EVL: variants seen among roughly 807,000 people sequenced by gnomAD.
The protein encoded by EVL is ena/VASP-like protein.
EVL carries 21 observed loss-of-function variants against 59.6 expected under a neutral mutation model. The observed-to-expected ratio is 0.35, with a 90% CI of 0.25 to 0.51. The LOEUF (loss-of-function observed/expected upper bound fraction) is 0.51, where lower values mean the gene tolerates loss of function less well. Among genes scored for constraint, EVL ranks in the 20% least tolerant of loss-of-function variants. EVL has a pLI of 0.97. For synonymous variants in EVL, 198 were observed against 203.5 expected (o/e 0.97, Z 0.23); for missense variants, 462 against 546.6 (o/e 0.85, Z 1.54).
chr14:99,972,116 C>A lies in EVL; in HGVS notation c.5+59C>A. ...AGCGGCCAGCGTCGGAGGGGCTGGG[C>A]TGGGGGCCCGCGGTGCCCCCGAGGG... On this transcript the variant is annotated intron_variant, in intron 1 of 13. Coordinates refer to the EVL transcript ENST00000402714. The surrounding 1 kb of genome is among the most constrained non-coding windows in gnomAD (Gnocchi z 4.4). 1 of 304,774 alleles carries A rather than the reference C, an allele frequency of 3.3e-6. No homozygotes were observed. Among genetic ancestry groups the A allele is most frequent in the African/African-American group, 2.2e-5 (1 of 45,344 alleles). 18.9% of individuals were successfully genotyped at this position (304,774 alleles called of 1,614,324 possible). A position where few individuals can be genotyped will look rare whatever the true frequency, so the allele number is the denominator to read the frequency against.
chr14:100,099,179 C>CAA (rs57154685), intron 3 of EVL, among the ~76,000 whole-genome samples: 714 of 51,168 alleles, frequency 0.014, 8 homozygotes, highest in Non-Finnish European at 0.022. Flanking sequence ...CCTGTCTCTA[C>CAA]AAAAAAAAAA....
intron 1 of EVL, among the ~76,000 whole-genome samples, chr14:100,005,785 G>T (rs532341001): frequency 1.6e-3 from 247 of 151,892 alleles, no homozygotes; most frequent in African/African-American, 5.7e-3. Context: ...TATTGCAGAA[G>T]TACCAAGCAT....
rs1888384350 is a variant in EVL at position 100,130,774 on chromosome 14, G to A, written c.839+1090G>A. On this transcript the variant is annotated intron_variant, in intron 7 of 13. Coordinates refer to ENST00000392920, the MANE Select transcript of EVL (RefSeq NM_016337.3). This position sits in a 1 kb window ranked among gnomAD's most constrained non-coding sequence, Gnocchi z 4.8. ...TTGCTTGCATCACAGATGGCAGGGA[G>A]GGGAGGCTCCCCGTGTGTCAGGGAG... 6.6e-6 allele frequency among the ~76,000 whole-genome samples: 1 copy of A among 152,228 alleles called. No homozygotes were observed. Among genetic ancestry groups the A allele is most frequent in the Admixed American group, 6.5e-5 (1 of 15,286 alleles).
intron 1 of EVL, among the ~76,000 whole-genome samples, chr14:100,072,135 G>A (rs1405935051): frequency 3.3e-5 from 5 of 152,160 alleles, no homozygotes; most frequent in Non-Finnish European, 7.3e-5. Context: ...AGCTTAGCTT[G>A]AAAGGGAGTA....
At chr14:100,138,033 A>G (rs901264861) in intron 11 of EVL, 5 of 591,340 alleles carry the variant, frequency 8.5e-6, no homozygotes, top group Non-Finnish European at 1.5e-5. Context: ...ACCTGTCCAC[A>G]GAGGTAGTGC....
At chr14:100,073,944 G>T (rs576405787) in intron 1 of EVL, among the ~76,000 whole-genome samples, 2 of 151,752 alleles carry the variant, frequency 1.3e-5, no homozygotes, top group Non-Finnish European at 2.9e-5. Context: ...TGAGGGGAGC[G>T]GCAGGGGCCC....
chr14:100,022,281 T>TG (rs2061139662), intron 1 of EVL, among the ~76,000 whole-genome samples: 2 of 149,678 alleles, frequency 1.3e-5, no homozygotes, highest in African/African-American at 4.9e-5. Context: ...TTGGTTTGTT[T>TG]TTTTTTTTTT....
At chr14:100,084,961 T>A in intron 2 of EVL, 106 bp downstream of exon 2, 1 of 1,285,256 alleles carries the variant, frequency 7.8e-7, no homozygotes, top group Non-Finnish European at 1.1e-6. Context: ...AAAAGGTCAA[T>A]ATTCGGAATC....
rs1376993380 is a variant in EVL, at chr14:100,128,667, C to G, written c.636C>G (p.Ala212=). The change falls in exon 6 of 14, where the codon GCC becomes GCG. Residue 212 remains alanine (A), a synonymous_variant. Coordinates refer to ENST00000392920, the MANE Select transcript of EVL (RefSeq NM_016337.3). ...CACCCCCACTGCCAGCCGGAGGAGC[C>G]CAGGGGTCCAGCCACGACGAGAGCT... ...PPPPPLPAGG[A]QGSSHDESSM... The G allele has an allele frequency of 1.2e-6, 2 of 1,603,660 alleles. No homozygotes were observed. Among genetic ancestry groups the G allele is most frequent in the East Asian group, 4.5e-5 (2 of 44,702 alleles).
At chr14:100,075,792 C>G (rs140484170) in intron 1 of EVL, among the ~76,000 whole-genome samples, 100 of 152,326 alleles carry the variant, frequency 6.6e-4, no homozygotes, top group Middle Eastern at 3.4e-3. Flanking sequence ...ATGTACCCAG[C>G]ATGGTACTGG....
At chr14:100,059,068 A>C (rs2061779393) in intron 1 of EVL, among the ~76,000 whole-genome samples, 1 of 152,232 alleles carries the variant, frequency 6.6e-6, no homozygotes, top group Non-Finnish European at 1.5e-5. Context: ...GTAGTTTAAT[A>C]ATCATATTTG....
At chr14:100,124,899 C>T (rs560624207) in intron 4 of EVL, among the ~76,000 whole-genome samples, 1 of 152,296 alleles carries the variant, frequency 6.6e-6, no homozygotes, top group South Asian at 2.1e-4. Flanking sequence ...CACACACAAG[C>T]ACATACACTT....
At chr14:100,033,782 G>T (rs184413590) in intron 1 of EVL, among the ~76,000 whole-genome samples, 1 of 152,242 alleles carries the variant, frequency 6.6e-6, no homozygotes, top group East Asian at 1.9e-4. Flanking sequence ...GTCATATGCT[G>T]GTTTAAAAAC....
chr14:100,118,649 C>G (rs1345975931), intron 3 of EVL, among the ~76,000 whole-genome samples: 3 of 152,226 alleles, frequency 2.0e-5, no homozygotes, highest in African/African-American at 7.2e-5. Flanking sequence ...CACTCCCCAT[C>G]AGTCATATAG....
chr14:99,987,789 T>G (rs2060848704), intron 1 of EVL, among the ~76,000 whole-genome samples: 1 of 152,148 alleles, frequency 6.6e-6, no homozygotes, highest in Admixed American at 6.6e-5. Context: ...ATCTTGGACT[T>G]CTCAGCTTCT....
intron 1 of EVL, among the ~76,000 whole-genome samples, chr14:100,054,964 G>A (rs2061704668): frequency 6.6e-6 from 1 of 152,130 alleles, no homozygotes; most frequent in African/African-American, 2.4e-5. Flanking sequence ...CACTTTGGGA[G>A]GCCAAGGTGG....
intron 2 of EVL, 53 bp downstream of exon 2, chr14:100,084,908 C>T: frequency 1.3e-6 from 2 of 1,585,242 alleles, no homozygotes; most frequent in Non-Finnish European, 1.7e-6. Context: ...CACCTCCTCA[C>T]CGCCCACCCC....
intron 1 of EVL, among the ~76,000 whole-genome samples, chr14:100,049,421 G>C (rs771815338): frequency 5.3e-5 from 8 of 152,100 alleles, no homozygotes; most frequent in Non-Finnish European, 1.2e-4. Flanking sequence ...CAGCGCCCTT[G>C]CTTCATTTTA....
intron 1 of EVL, among the ~76,000 whole-genome samples, chr14:100,008,348 T>G (rs1180322517): frequency 1.3e-5 from 2 of 152,222 alleles, no homozygotes; most frequent in Non-Finnish European, 2.9e-5. Flanking sequence ...TCTAATTCCA[T>G]CTCTGACTGT....
Sources: allele counts gnomAD v4.1 joint callset (sites outside exome capture counted in the v4.1 genomes callset), GRCh38; gene constraint gnomAD v4.1.1; non-coding constraint Gnocchi (gnomAD v3.1); transcripts MANE v1.5; gene names NCBI Gene and HGNC (gene_info 2026-07-23, HGNC 2026-07-21).